The following MYH6 variants were observed in gnomAD, a reference collection of about 807,000 sequenced individuals.
The protein encoded by MYH6 is myosin-6.
A neutral mutation model predicts 223.2 loss-of-function variants in MYH6; 126 were observed. That is an observed-to-expected ratio of 0.56 (90% confidence interval 0.49 to 0.65). The LOEUF (loss-of-function observed/expected upper bound fraction) is 0.65, where lower values mean the gene tolerates loss of function less well. MYH6 is among the 30% of genes least tolerant of loss of function. The pLI, the probability that MYH6 is intolerant of heterozygous loss-of-function variation, is 0.00. For synonymous variants in MYH6, 978 were observed against 1,010.2 expected (o/e 0.97, Z 0.61); for missense variants, 2,040 against 2,536.4 (o/e 0.80, Z 4.20).
At chr14:23,392,846 A>G (rs1395796982) in intron 24 of MYH6, 66 bp downstream of exon 24, 1 of 1,601,858 alleles carries the variant, frequency 6.2e-7, no homozygotes, top group Non-Finnish European at 8.5e-7. Flanking sequence ...GAGGCGCAGC[A>G]CCCTGCACTC....
intron 25 of MYH6, among the ~76,000 whole-genome samples, chr14:23,391,057 C>T (rs1164280377): frequency 6.6e-6 from 1 of 152,194 alleles, no homozygotes; most frequent in African/African-American, 2.4e-5. Context: ...GGCTACTCTC[C>T]TCTTCACCTC....
rs1445736744 is a variant in MYH6 at position 23,407,215 on chromosome 14, A to G, written c.9T>C (p.Asp3=). 2.5e-6 allele frequency: 4 copies of G among 1,614,210 alleles called. No individual in the cohort carries two copies. Among genetic ancestry groups the G allele is most frequent in the Non-Finnish European group, 3.4e-6 (4 of 1,180,032 alleles). The change falls in exon 3 of 39, where the codon GAT becomes GAC. Residue 3 remains aspartate (D), a synonymous_variant. Coordinates refer to ENST00000405093, the MANE Select transcript of MYH6 (RefSeq NM_002471.4). This position sits in a 1 kb window ranked among gnomAD's most constrained non-coding sequence, Gnocchi z 5.6. MT[D]AQMADFGAAA... ...CTGCCCCAAAGTCAGCCATCTGGGC[A>G]TCGGTCATCTTGGTGCTTCCCCTGG...
chr14:23,384,339 A>G, intron 36 of MYH6, 103 bp downstream of exon 36: 1 of 1,553,920 alleles, frequency 6.4e-7, no homozygotes, highest in Non-Finnish European at 8.8e-7. Flanking sequence ...AAATCTACCA[A>G]CAGCATCTCA....
In MYH6 at chr14:23,400,934, G is replaced by T. The variant is rs201822160; in HGVS notation, c.1185C>A (p.Asp395Glu). Residue 395 changes from aspartate (D) to glutamate (E), a missense_variant, in exon 13 of 39, where the codon GAC becomes GAA. Transcript: ENST00000405093. ...SAYLMGLNSA[D>E]LLKGLCHPRV... ...GAGGGTGGCACAGCCCCTTGAGCAG[G>T]TCAGCTGAGTTCAGCCCCATGAGGT... 41 of 1,614,084 alleles carry T rather than the reference G, an allele frequency of 2.5e-5. No homozygotes were observed. Among genetic ancestry groups the T allele is most frequent in the African/African-American group, 6.7e-5 (5 of 74,918 alleles).
intron 25 of MYH6, among the ~76,000 whole-genome samples, chr14:23,391,614 C>G (rs963819684): frequency 1.3e-5 from 2 of 152,200 alleles, no homozygotes; most frequent in Non-Finnish European, 2.9e-5. Context: ...GGGAGACTAC[C>G]TCTTTCTACC....
chr14:23,397,994 C>T (rs1036867702), intron 15 of MYH6, among the ~76,000 whole-genome samples: 2 of 143,156 alleles, frequency 1.4e-5, no homozygotes, highest in Non-Finnish European at 3.0e-5. Flanking sequence ...TCTTCTTCTT[C>T]TTCTTCTTCT....
In MYH6 at chr14:23,393,375, C is replaced by T. The variant is rs923117228; in HGVS notation, c.3072G>A (p.Lys1024=). 6.2e-7 allele frequency: 1 copy of T among 1,614,222 alleles called. No individual in the cohort carries two copies. The highest frequency in any genetic ancestry group is 8.5e-7 in the Non-Finnish European group (1 of 1,180,032). ...CCTGCTGCTCCAGCTTGACCTTAGA[C>T]TTGGACAGGCTGTTGACCTTGTCTT... is the stretch of plus-strand genomic sequence containing the variant. ...VEEDKVNSLS[K]SKVKLEQQVD... is the part of the protein sequence containing the mutation. Residue 1024 remains lysine (K), a synonymous_variant, in exon 23 of 39, where the codon AAG becomes AAA. Coordinates refer to ENST00000405093, the MANE Select transcript of MYH6 (RefSeq NM_002471.4).
At position 23,386,305 on chromosome 14, in the gene MYH6, C is replaced by G; in HGVS notation, c.4959+10G>C. On this transcript the variant is annotated intron_variant, in intron 33 of 38. Transcript: ENST00000405093. ...CCAGTCCCCTGAGGGGACCTCCCGCCCCCATGTACCTTCAGCAAGCTCTGG... is the reference window on the plus strand; with the variant it reads ...CCAGTCCCCTGAGGGGACCTCCCGCGCCCATGTACCTTCAGCAAGCTCTGG... 1 of 1,614,126 alleles carries G rather than the reference C, an allele frequency of 6.2e-7. No homozygotes were observed. The highest frequency in any genetic ancestry group is 1.1e-5 in the South Asian group (1 of 91,076).
chr14:23,393,696 C>T lies in MYH6; in HGVS notation c.2898G>A (p.Val966=), dbSNP rs1891308039. The T allele has an allele frequency of 6.2e-7, 1 of 1,614,072 alleles. No homozygotes were observed. Among genetic ancestry groups the T allele is most frequent in the African/African-American group, 1.3e-5 (1 of 74,928 alleles). The change falls in exon 22 of 39, where the codon GTG becomes GTA. Residue 966 remains valine (V), a synonymous_variant. Transcript: ENST00000405093. Reference sequence around the variant, plus strand: ...TCTCTGTTGCATGCTTCTCCTTCTCCACCTTGGCCAGTGTCAGCTCCAGGT... The same window carrying T: ...TCTCTGTTGCATGCTTCTCCTTCTCTACCTTGGCCAGTGTCAGCTCCAGGT... The part of the protein sequence containing the change: ...IDDLELTLAK[V]EKEKHATENK...
At chr14:23,400,517 G>T (rs1195801931) in intron 13 of MYH6, 91 bp from the exon 14 acceptor site, 3 of 1,604,092 alleles carry the variant, frequency 1.9e-6, no homozygotes, top group Admixed American at 1.7e-5. Flanking sequence ...GCCCAGCAGG[G>T]TATGGCTGTC....
Position 23,404,715 on chromosome 14 carries a change from T to G in MYH6, c.638A>C (p.Asn213Thr). 3.7e-6 allele frequency: 6 copies of G among 1,614,028 alleles called. No individual in the cohort carries two copies. Among genetic ancestry groups the G allele is most frequent in the Non-Finnish European group, 4.2e-6 (5 of 1,179,906 alleles). The change falls in exon 7 of 39, where the codon AAC becomes ACC. Residue 213 changes from asparagine (N) to threonine (T), a missense_variant. Around this residue, in one of 4 missense-constraint regions of MYH6, gnomAD observed 649 missense variants for 877.3 expected, o/e 0.74. Coordinates refer to ENST00000405093, the MANE Select transcript of MYH6 (RefSeq NM_002471.4). ...DRGKKDNANA[N>T]KGTLEDQIIQ... ...AGCCTGTGTCCCCCATGGCACCTTG[T>G]TCGCATTGGCATTGTCCTTCTTGCC...
chr14:23,382,279 A>G (rs1445790041), intron 38 of MYH6, 149 bp downstream of exon 38: 1 of 1,307,062 alleles, frequency 7.7e-7, no homozygotes, highest in East Asian at 2.3e-5. Context: ...GGCTGTTTTG[A>G]GCAGGAGAGT....
intron 3 of MYH6, among the ~76,000 whole-genome samples, chr14:23,406,459 A>G (rs1256158371): frequency 6.6e-6 from 1 of 152,206 alleles, no homozygotes; most frequent in Non-Finnish European, 1.5e-5. Context: ...GGGTTGTAAC[A>G]TTCAGTCAAC....
Position 23,407,315 on chromosome 14 carries a change from C to T in MYH6, c.-13-79G>A, listed in dbSNP as rs1457221118. 1.3e-6 allele frequency: 2 copies of T among 1,510,822 alleles called. No homozygotes were observed. Among genetic ancestry groups the T allele is most frequent in the African/African-American group, 2.7e-5 (2 of 72,844 alleles). 93.6% of individuals were successfully genotyped at this position (1,510,822 alleles called of 1,614,324 possible). ...GAGTGGCTTTGTCCTCTGCAGCCCC[C>T]CTCCCTACCCCCGCTCCTCTCCTCC... On this transcript the variant is annotated intron_variant, in intron 2 of 38. Transcript: ENST00000405093. This position sits in a 1 kb window ranked among gnomAD's most constrained non-coding sequence, Gnocchi z 5.6.
chr14:23,388,675 G>T (rs1205193927), intron 29 of MYH6, 184 bp downstream of exon 29: 1 of 1,015,746 alleles, frequency 9.8e-7, no homozygotes, highest in Non-Finnish European at 1.6e-6. Context: ...CACAGGAAGT[G>T]GGTCAGGGCC....
chr14:23,398,258 C>A (rs1054480530), intron 15 of MYH6, among the ~76,000 whole-genome samples: 3 of 152,050 alleles, frequency 2.0e-5, no homozygotes, highest in Non-Finnish European at 4.4e-5. Flanking sequence ...CCTTGTGATC[C>A]ACCCGCCTCG....
chr14:23,386,748 A>G lies in MYH6; in HGVS notation c.4651-125T>C, dbSNP rs931656092. Reference sequence around the variant, plus strand: ...GAAGAAGAGCTGAGAAGAGATGGGGAGGTGGGATCTGCACCCCATGCCCAC... The same window carrying G: ...GAAGAAGAGCTGAGAAGAGATGGGGGGGTGGGATCTGCACCCCATGCCCAC... On this transcript the variant is annotated intron_variant, in intron 32 of 38. Transcript: ENST00000405093. 4 of 1,223,046 alleles carry G rather than the reference A, an allele frequency of 3.3e-6. No individual in the cohort carries two copies. The African/African-American group carries it at 6.0e-5, about 18-fold the overall frequency. The allele number at this position is 1,223,046 out of a possible 1,614,324, so 75.8% of individuals were successfully genotyped here. A position where few individuals can be genotyped will look rare whatever the true frequency, so the allele number is the denominator to read the frequency against.
intron 30 of MYH6, 114 bp from the exon 31 acceptor site, chr14:23,388,037 C>A: frequency 1.2e-6 from 2 of 1,606,556 alleles, no homozygotes; most frequent in South Asian, 1.1e-5. Flanking sequence ...TGTCCCTGGT[C>A]CCGAGCCTGG....
rs1006277876 is a variant in MYH6, at chr14:23,393,854, T to C, written c.2740A>G (p.Lys914Glu). The change falls in exon 22 of 39, where the codon AAG becomes GAG. Residue 914 changes from lysine (K) to glutamate (E), a missense_variant. By Grantham distance (56) the Lys-to-Glu change is moderately conservative (BLOSUM62 1). Transcript: ENST00000405093. ...EERCDQLIKN[K>E]IQLEAKVKEM... ...TTTACTTTGGCCTCCAGCTGAATCTTGTTTTTGATCAGCTGGTCGCAGCGC... is the reference window on the plus strand; with the variant it reads ...TTTACTTTGGCCTCCAGCTGAATCTCGTTTTTGATCAGCTGGTCGCAGCGC... The C allele has an allele frequency of 6.2e-7, 1 of 1,614,092 alleles. No homozygotes were observed. Among genetic ancestry groups the C allele is most frequent in the Non-Finnish European group, 8.5e-7 (1 of 1,180,046 alleles).
Sources: allele counts gnomAD v4.1 joint callset (sites outside exome capture counted in the v4.1 genomes callset), GRCh38; gene constraint gnomAD v4.1.1; regional missense constraint gnomAD v4.1.1; non-coding constraint Gnocchi (gnomAD v3.1); transcripts MANE v1.5; gene names NCBI Gene and HGNC (gene_info 2026-07-23, HGNC 2026-07-21).